The following CLDN10 variants were observed in gnomAD, a reference collection of about 807,000 sequenced individuals.
The protein encoded by CLDN10 is claudin-10.
Under a neutral mutation model 22.9 loss-of-function variants are expected in CLDN10, and 15 were observed. The observed-to-expected ratio is 0.65, with a 90% CI of 0.44 to 1.01. CLDN10 has a LOEUF of 1.01. Ranked by LOEUF, CLDN10 falls within the 50% of genes least tolerant of loss-of-function variation. The pLI, the probability that CLDN10 is intolerant of heterozygous loss-of-function variation, is 0.00. For missense variants in CLDN10, 247 were observed against 287.8 expected (o/e 0.86, Z 1.03); for synonymous variants, 114 against 111.4 (o/e 1.02, Z -0.15).
chr13:95,468,547 G>A (rs1436020308), intron 1 of CLDN10, among the ~76,000 whole-genome samples: 3 of 152,166 alleles, frequency 2.0e-5, no homozygotes, highest in African/African-American at 7.2e-5. Context: ...CTAACATGGT[G>A]AAACCCCATC....
At chr13:95,467,923 G>T (rs1667781615) in intron 1 of CLDN10, among the ~76,000 whole-genome samples, 1 of 152,210 alleles carries the variant, frequency 6.6e-6, no homozygotes. Flanking sequence ...CAGATGGGAA[G>T]AATTCTCTCT....
intron 1 of CLDN10, among the ~76,000 whole-genome samples, chr13:95,501,323 T>C (rs1036514231): frequency 6.6e-6 from 1 of 152,136 alleles, no homozygotes; most frequent in East Asian, 1.9e-4. Context: ...CCATTTTTTT[T>C]GTTTTTAGAG....
At chr13:95,529,950 T>C (rs1382416274) in intron 1 of CLDN10, among the ~76,000 whole-genome samples, 2 of 152,180 alleles carry the variant, frequency 1.3e-5, no homozygotes, top group South Asian at 2.1e-4. Context: ...ATAATTATTA[T>C]AGAAGGTCAC....
chr13:95,523,958 C>A (rs1232700537), intron 1 of CLDN10, among the ~76,000 whole-genome samples: 1 of 152,150 alleles, frequency 6.6e-6, no homozygotes, highest in Non-Finnish European at 1.5e-5. Flanking sequence ...TGGTTGGGAA[C>A]AACTGGTCTA....
chr13:95,544,924 G>T (rs1047928979), intron 1 of CLDN10, among the ~76,000 whole-genome samples: 18 of 151,822 alleles, frequency 1.2e-4, no homozygotes, highest in Middle Eastern at 6.8e-3. Context: ...TTACAGGTGT[G>T]TGCCACCACA....
At chr13:95,450,187 T>G (rs1203998125) in intron 1 of CLDN10, among the ~76,000 whole-genome samples, 1 of 152,226 alleles carries the variant, frequency 6.6e-6, no homozygotes, top group African/African-American at 2.4e-5. Context: ...GTGTGTCAGT[T>G]TTCTTATCTG....
At chr13:95,558,928 A>T (rs1436965646) in intron 1 of CLDN10, among the ~76,000 whole-genome samples, 1 of 151,814 alleles carries the variant, frequency 6.6e-6, no homozygotes, top group African/African-American at 2.4e-5. Flanking sequence ...CCTGTGTTAA[A>T]AAAAGAAAAG....
In CLDN10 at chr13:95,439,354, T is replaced by A. The variant is rs561764441; in HGVS notation, c.214+5307T>A. Among the ~76,000 whole-genome samples the A allele has an allele frequency of 5.2e-4, 79 of 151,620 alleles. 1 individual carries two copies. Among genetic ancestry groups the A allele is most frequent in the East Asian group, 9.7e-4 (5 of 5,154 alleles). On this transcript the variant is annotated intron_variant, in intron 1 of 4. Transcript: ENST00000376873. ...GCCTCTTTTTTATGTTATTATTATT[T>A]TTTTTTTTGAGACTGAGTCTTGTTC...
intron 1 of CLDN10, among the ~76,000 whole-genome samples, chr13:95,451,709 C>G (rs2042433218): frequency 6.6e-6 from 1 of 152,232 alleles, no homozygotes. Context: ...CCAACAACTT[C>G]TTTCTATCCC....
chr13:95,571,778 C>G (rs533302841), intron 3 of CLDN10, among the ~76,000 whole-genome samples: 34 of 152,196 alleles, frequency 2.2e-4, no homozygotes, highest in Non-Finnish European at 4.9e-4. Flanking sequence ...CAATAGAATT[C>G]AATTTTGAAA....
intron 1 of CLDN10, chr13:95,528,732 A>C (rs138938152): frequency 7.9e-5 from 12 of 152,288 alleles, no homozygotes; most frequent in Non-Finnish European, 1.2e-4. Context: ...AGCTCATGGC[A>C]GCAGAAAAAA....
intron 1 of CLDN10, among the ~76,000 whole-genome samples, chr13:95,504,391 A>G (rs971199613): frequency 6.6e-6 from 1 of 151,960 alleles, no homozygotes; most frequent in African/African-American, 2.4e-5. Context: ...ATTTTATTTT[A>G]TTTTTTTGAG....
At chr13:95,434,168 C>G (rs2042240535) in intron 1 of CLDN10, 1 of 805,016 alleles carries the variant, frequency 1.2e-6, no homozygotes, top group Non-Finnish European at 2.1e-6. Flanking sequence ...ATCAAAGTGC[C>G]AAGATTTGCC....
chr13:95,469,609 G>A (rs2042611409), intron 1 of CLDN10, among the ~76,000 whole-genome samples: 1 of 152,206 alleles, frequency 6.6e-6, no homozygotes, highest in Non-Finnish European at 1.5e-5. Context: ...GTTAGTAGCA[G>A]GGATAGAACT....
intron 3 of CLDN10, chr13:95,560,710 A>G (rs564156653): frequency 1.9e-4 from 88 of 475,296 alleles, no homozygotes; most frequent in African/African-American, 1.5e-3. Context: ...AGAACTATAA[A>G]CTTCATCGTT....
chr13:95,546,893 G>C (rs564679026), intron 1 of CLDN10, among the ~76,000 whole-genome samples: 1 of 152,042 alleles, frequency 6.6e-6, no homozygotes, highest in South Asian at 2.1e-4. Context: ...CTTGCCCCTT[G>C]CTTTTCTCTT....
At chr13:95,475,058 G>A (rs1227919077) in intron 1 of CLDN10, among the ~76,000 whole-genome samples, 4 of 152,174 alleles carry the variant, frequency 2.6e-5, no homozygotes. Context: ...GCTCCTCTCT[G>A]CTAAGGAGTC....
chr13:95,482,754 A>G (rs76019841), intron 1 of CLDN10, among the ~76,000 whole-genome samples: 1 of 152,202 alleles, frequency 6.6e-6, no homozygotes, highest in Non-Finnish European at 1.5e-5. Context: ...AGGTGGGTGG[A>G]TCACCTGAGG....
At chr13:95,458,942 T>G (rs1013798322) in intron 1 of CLDN10, among the ~76,000 whole-genome samples, 2 of 152,014 alleles carry the variant, frequency 1.3e-5, no homozygotes, top group African/African-American at 4.8e-5. Context: ...GCAATGGGAG[T>G]ACAGCACTGG....
Sources: gnomAD v4.1 joint callset for allele counts (sites outside exome capture counted in the v4.1 genomes callset) on GRCh38, gnomAD v4.1.1 for gene constraint, MANE v1.5 for transcripts, NCBI Gene and HGNC (gene_info 2026-07-23, HGNC 2026-07-21) for gene names.